Variants in SLC44A3 observed in about 807,000 individuals in gnomAD.
SLC44A3 encodes solute carrier family 44 member 3.
Under a neutral mutation model 75.4 loss-of-function variants are expected in SLC44A3, and 74 were observed. The observed-to-expected ratio is 0.98, with a 90% CI of 0.81 to 1.19. The LOEUF is 1.19. SLC44A3 is among the 50% of genes most tolerant of loss of function. The pLI is 0.00. For missense variants in SLC44A3, 700 were observed against 778.6 expected, an observed-to-expected ratio of 0.90 and a Z score of 1.20; for synonymous variants, 310 against 296.9, an observed-to-expected ratio of 1.04 and a Z score of -0.45.
intron 11 of SLC44A3, among the ~76,000 whole-genome samples, chr1:94,866,642 T>C (rs1667197642): frequency 6.6e-6 from 1 of 152,166 alleles, no homozygotes; most frequent in Non-Finnish European, 1.5e-5. Flanking sequence ...AAAATGTCCA[T>C]ATAAGGCTGA....
chr1:94,850,196 AT>A (rs1054557288), intron 9 of SLC44A3, among the ~76,000 whole-genome samples: 2 of 151,886 alleles, frequency 1.3e-5, no homozygotes, highest in South Asian at 2.1e-4. Context: ...TTGTTTGGGG[AT>A]TTTTTTTCAG....
intron 9 of SLC44A3, among the ~76,000 whole-genome samples, chr1:94,854,150 G>A (rs1665561361): frequency 1.3e-5 from 2 of 152,148 alleles, no homozygotes; most frequent in Non-Finnish European, 2.9e-5. Flanking sequence ...TGAGAAGTAG[G>A]TATTACCATT....
intron 7 of SLC44A3, 103 bp from the exon 8 acceptor site, chr1:94,841,897 G>A (rs1045905837): frequency 1.9e-5 from 28 of 1,442,020 alleles, no homozygotes; most frequent in South Asian, 1.0e-4. Context: ...GCAGTGCCAC[G>A]CGGCCGGTGG....
chr1:94,842,122 A>G lies in SLC44A3; in HGVS notation c.883A>G (p.Thr295Ala), dbSNP rs538944755. ...GTTTGCTATCGTATCCACAGGCATC[A>G]CGGTAAGAAATGCTCTTCTAGCAGT... ...LGFAIVSTGI[T>A]AVLLVLIFVL... The change falls in exon 8 of 15, where the codon ACG (threonine) becomes GCG (alanine). Residue 295 changes from threonine to alanine, a missense_variant and splice_region_variant. By Grantham distance (58) the Thr-to-Ala change is moderately conservative. Coordinates refer to ENST00000271227, the MANE Select transcript of SLC44A3 (RefSeq NM_001114106.3). 1.1e-5 allele frequency: 18 copies of G among 1,605,102 alleles called. No individual in the cohort carries two copies. The South Asian group carries it at 1.7e-4, about 15-fold the overall frequency.
At chr1:94,882,772 C>T (rs75855243) in intron 12 of SLC44A3, among the ~76,000 whole-genome samples, 1 of 151,764 alleles carries the variant, frequency 6.6e-6, no homozygotes, top group Non-Finnish European at 1.5e-5. Context: ...CAAGGCTTAT[C>T]TAAAACAAAG....
intron 14 of SLC44A3, among the ~76,000 whole-genome samples, chr1:94,893,147 A>T (rs559183105): frequency 2.6e-5 from 4 of 152,214 alleles, no homozygotes; most frequent in South Asian, 2.1e-4. Flanking sequence ...GTAGACAGGG[A>T]TATTTTAACA....
chr1:94,860,533 G>A (rs1666449537), intron 10 of SLC44A3, among the ~76,000 whole-genome samples: 1 of 152,052 alleles, frequency 6.6e-6, no homozygotes, highest in South Asian at 2.1e-4. Flanking sequence ...GCTTCCCGAG[G>A]GAAAAAAGAT....
At chr1:94,827,673 C>T (rs377470001) in intron 4 of SLC44A3, 30 bp downstream of exon 4, 1 of 1,611,404 alleles carries the variant, frequency 6.2e-7, no homozygotes. Context: ...TTGTTCTTTT[C>T]CCCATGATGG....
chr1:94,884,263 C>G (rs1181903610), intron 12 of SLC44A3, among the ~76,000 whole-genome samples: 1 of 139,158 alleles, frequency 7.2e-6, no homozygotes, highest in East Asian at 2.1e-4. Context: ...TCCTGGTGAC[C>G]GGTGCATTCC....
intron 12 of SLC44A3, among the ~76,000 whole-genome samples, chr1:94,874,305 C>T (rs568287775): frequency 6.6e-6 from 1 of 152,328 alleles, no homozygotes; most frequent in Non-Finnish European, 1.5e-5. Context: ...GTGTGGCTTT[C>T]CTGGGAGCAG....
chr1:94,878,590 A>G (rs1668591454), intron 12 of SLC44A3, among the ~76,000 whole-genome samples: 1 of 152,218 alleles, frequency 6.6e-6, no homozygotes, highest in South Asian at 2.1e-4. Context: ...CTTTCTGAGC[A>G]GAAGATCCAG....
At position 94,821,069 on chromosome 1, in the gene SLC44A3, G is replaced by C. The variant is rs554160649; in HGVS notation, c.135+13G>C. On this transcript the variant is annotated intron_variant, in intron 2 of 14. Transcript: ENST00000271227. ...TTGGACTGGTTTGGTAAGTGTGGGT[G>C]CTTGGTAGGAAAGAGGCCAGAGTGT... The C allele has an allele frequency of 5.0e-4, 779 of 1,546,106 alleles. 1 individual carries two copies. The highest frequency in any genetic ancestry group is 6.3e-4 in the Non-Finnish European group (720 of 1,142,548).
chr1:94,850,790 C>T (rs942015666), intron 9 of SLC44A3, among the ~76,000 whole-genome samples: 1 of 152,210 alleles, frequency 6.6e-6, no homozygotes, highest in African/African-American at 2.4e-5. Context: ...GACCAAGGAA[C>T]ATCTAGTACC....
chr1:94,828,512 T>C lies in SLC44A3; in HGVS notation c.435T>C (p.Tyr145=), dbSNP rs1661684715. Residue 145 remains tyrosine, a synonymous_variant, in exon 5 of 15, where the codon TAT becomes TAC. Transcript: ENST00000271227. ...TTCCAGGGTCCTTCCTGTGTGTTTATAGTTTGAATTCCTTCAACTATACCC... is the reference window on the plus strand; with the variant it reads ...TTCCAGGGTCCTTCCTGTGTGTTTACAGTTTGAATTCCTTCAACTATACCC... ...ANTSGSFLCV[Y]SLNSFNYTHS... The C allele has an allele frequency of 6.2e-7, 1 of 1,613,724 alleles. No homozygotes were observed. The highest frequency in any genetic ancestry group is 1.3e-5 in the African/African-American group (1 of 74,932).
At chr1:94,875,529 A>G (rs1215441872) in intron 12 of SLC44A3, among the ~76,000 whole-genome samples, 1 of 152,162 alleles carries the variant, frequency 6.6e-6, no homozygotes, top group African/African-American at 2.4e-5. Context: ...CTCCTGGAGG[A>G]CAGACAGGTG....
chr1:94,860,243 A>C (rs1019638326), intron 10 of SLC44A3, among the ~76,000 whole-genome samples: 2 of 152,370 alleles, frequency 1.3e-5, no homozygotes, highest in East Asian at 1.9e-4. Context: ...GCATAGTGAG[A>C]AAACAAGACT....
chr1:94,848,730 T>C (rs1413220034), intron 9 of SLC44A3, among the ~76,000 whole-genome samples: 2 of 152,048 alleles, frequency 1.3e-5, no homozygotes, highest in Admixed American at 6.6e-5. Flanking sequence ...TCAGTACTTA[T>C]AGTCAAGCAG....
chr1:94,845,930 C>T (rs1282794868), intron 9 of SLC44A3, among the ~76,000 whole-genome samples: 4 of 152,086 alleles, frequency 2.6e-5, no homozygotes, highest in African/African-American at 9.7e-5. Flanking sequence ...AGGTAGACCA[C>T]GAGGTCAGGA....
rs1571125331 is a variant in SLC44A3 at position 94,821,007 on chromosome 1, G to C, written c.86G>C (p.Cys29Ser). 1 of 1,551,586 alleles carries C rather than the reference G, an allele frequency of 6.4e-7. No homozygotes were observed. The highest frequency in any genetic ancestry group is 8.7e-7 in the Non-Finnish European group (1 of 1,146,940). Reference sequence around the variant, plus strand: ...TGGCGACCCCAGATTTATAGGAAATGCACAGATACGGCATGGTTATTCCTG... The same window carrying C: ...TGGCGACCCCAGATTTATAGGAAATCCACAGATACGGCATGGTTATTCCTG... ...REWRPQIYRK[C>S]TDTAWLFLFF... The change falls in exon 2 of 15, where the codon TGC becomes TCC. Residue 29 changes from cysteine (C) to serine (S), a missense_variant. By Grantham distance (112) the Cys-to-Ser change is moderately radical (BLOSUM62 -1). Coordinates refer to ENST00000271227, the MANE Select transcript of SLC44A3 (RefSeq NM_001114106.3).
Sources: allele counts gnomAD v4.1 joint callset (sites outside exome capture counted in the v4.1 genomes callset), GRCh38; gene constraint gnomAD v4.1.1; transcripts MANE v1.5; gene names NCBI Gene and HGNC (gene_info 2026-07-23, HGNC 2026-07-21).